Variants in GRIK4 observed in about 807,000 individuals in gnomAD.
The protein encoded by GRIK4 is glutamate ionotropic receptor kainate type subunit 4, also known as glutamate receptor ionotropic, kainate 4.
GRIK4 carries 40 observed loss-of-function variants against 104.9 expected under a neutral mutation model. The ratio of observed to expected loss-of-function variants is 0.38; its 90% CI spans 0.30 to 0.50. GRIK4 has a LOEUF of 0.50. Ranked by LOEUF, GRIK4 falls within the 20% of genes least tolerant of loss-of-function variation. The probability of loss-of-function intolerance (pLI) is 0.93; values close to 1 mark genes in which losing one functional copy is unlikely to be tolerated. For missense variants in GRIK4, 1,047 were observed against 1,308.1 expected, an observed-to-expected ratio of 0.80 and a Z score of 3.08; for synonymous variants, 485 against 524.9, an observed-to-expected ratio of 0.92 and a Z score of 1.04.
intron 14 of GRIK4, among the ~76,000 whole-genome samples, chr11:120,943,150 ACC>A (rs368836920): frequency 0.14 from 18,395 of 128,380 alleles, 1,610 homozygotes; most frequent in African/African-American, 0.29. Flanking sequence ...ACACACACAC[ACC>A]CCCCTGACTG....
At chr11:120,829,755 G>C (rs1403361385) in intron 6 of GRIK4, among the ~76,000 whole-genome samples, 2 of 152,174 alleles carry the variant, frequency 1.3e-5, no homozygotes, top group African/African-American at 2.4e-5. Flanking sequence ...GAGCTTTGAA[G>C]AGGTTAGACA....
At chr11:120,514,591 A>C (rs1947701582) in intron 1 of GRIK4, among the ~76,000 whole-genome samples, 1 of 151,076 alleles carries the variant, frequency 6.6e-6, no homozygotes, top group African/African-American at 2.4e-5. Context: ...TTTCACCCCC[A>C]CCCCAGGCCT....
chr11:120,541,980 T>C (rs923558734), intron 1 of GRIK4, among the ~76,000 whole-genome samples: 17 of 152,246 alleles, frequency 1.1e-4, no homozygotes, highest in Middle Eastern at 3.4e-3. Context: ...AAAATTCATA[T>C]GGAGCCATAA....
chr11:120,692,503 G>C (rs12288893), intron 3 of GRIK4, among the ~76,000 whole-genome samples: 2,729 of 152,220 alleles, frequency 0.018, 80 homozygotes, highest in South Asian at 0.058. Context: ...TGTGGAGCCC[G>C]GGGGTGAGGC....
intron 1 of GRIK4, among the ~76,000 whole-genome samples, chr11:120,619,061 G>A (rs1004793189): frequency 4.6e-5 from 7 of 152,160 alleles, no homozygotes; most frequent in African/African-American, 9.7e-5. Context: ...GGCACTCAAC[G>A]CCAGCCCTTG....
In GRIK4 at chr11:120,555,067, G is replaced by A. The variant is rs1204426597; in HGVS notation, c.-159+43180G>A. The stretch of plus-strand genomic sequence containing the variant: ...GAAGCTGGTTGCCTCTGAAGCCTGT[G>A]AGGCATGAGAAGGCGCTCTGCAGCC... On this transcript the variant is annotated intron_variant, in intron 1 of 20. Coordinates refer to ENST00000527524, the MANE Select transcript of GRIK4 (RefSeq NM_014619.5). This position sits in a 1 kb window ranked among gnomAD's most constrained non-coding sequence, Gnocchi z 5.3. Among the ~76,000 whole-genome samples the A allele has an allele frequency of 6.6e-6, 1 of 152,242 alleles. No homozygotes were observed. The highest frequency in any genetic ancestry group is 1.5e-5 in the Non-Finnish European group (1 of 68,048).
At chr11:120,615,510 T>C (rs918419851) in intron 1 of GRIK4, among the ~76,000 whole-genome samples, 6 of 152,174 alleles carry the variant, frequency 3.9e-5, no homozygotes, top group African/African-American at 1.4e-4. Flanking sequence ...CTTTGATGAA[T>C]TTGTGTCTGC....
intron 1 of GRIK4, among the ~76,000 whole-genome samples, chr11:120,548,199 GAA>G (rs1948105527): frequency 6.6e-6 from 1 of 152,104 alleles, no homozygotes; most frequent in Non-Finnish European, 1.5e-5. Flanking sequence ...CTCGAAGTAT[GAA>G]AATAGACACC....
At chr11:120,750,494 G>A (rs1417644431) in intron 3 of GRIK4, among the ~76,000 whole-genome samples, 1 of 151,518 alleles carries the variant, frequency 6.6e-6, no homozygotes, top group South Asian at 2.1e-4. Flanking sequence ...AGCCTCCTAA[G>A]TAGCTGGAAT....
At chr11:120,576,720 G>A (rs1041918440) in intron 1 of GRIK4, among the ~76,000 whole-genome samples, 2 of 152,224 alleles carry the variant, frequency 1.3e-5, no homozygotes, top group African/African-American at 4.8e-5. Context: ...CTCAGAGAGG[G>A]CCCAAGAGGT....
At position 120,625,118 on chromosome 11, in the gene GRIK4, T is replaced by A. The variant is rs1324118378; in HGVS notation, c.-158-28567T>A. ...GGTAAAACCCCGTCTCTACTAAAAC[T>A]ACAAAAATTAGCCGGGCATGGTGGC... On this transcript the variant is annotated intron_variant, in intron 1 of 20. Transcript: ENST00000527524. Among the ~76,000 whole-genome samples the A allele has an allele frequency of 3.3e-5, 5 of 152,094 alleles. No homozygotes were observed. In the East Asian group the frequency reaches 5.8e-4, roughly 18 times the overall value.
At chr11:120,710,581 C>T (rs1214137214) in intron 3 of GRIK4, among the ~76,000 whole-genome samples, 9 of 152,140 alleles carry the variant, frequency 5.9e-5, no homozygotes, top group African/African-American at 2.2e-4. Flanking sequence ...ACGTGACTCA[C>T]AATAGAGAGT....
intron 1 of GRIK4, among the ~76,000 whole-genome samples, chr11:120,630,094 T>C (rs541716094): frequency 1.9e-4 from 29 of 152,334 alleles, no homozygotes; most frequent in Middle Eastern, 3.4e-3. Flanking sequence ...GAGCTCCTTC[T>C]GCAAGTAAAG....
intron 3 of GRIK4, among the ~76,000 whole-genome samples, chr11:120,679,169 C>T (rs1335734752): frequency 6.6e-6 from 1 of 152,070 alleles, no homozygotes; most frequent in Non-Finnish European, 1.5e-5. Flanking sequence ...TTAATCCTAC[C>T]ACCACCTCCA....
intron 12 of GRIK4, among the ~76,000 whole-genome samples, chr11:120,900,354 G>T (rs7111184): frequency 0.56 from 85,133 of 152,034 alleles, 25,693 homozygotes; most frequent in Non-Finnish European, 0.68. Flanking sequence ...CCTTCACTGT[G>T]AGGAGATGGG....
chr11:120,713,449 C>A (rs1030658187), intron 3 of GRIK4, among the ~76,000 whole-genome samples: 1 of 152,170 alleles, frequency 6.6e-6, no homozygotes, highest in Non-Finnish European at 1.5e-5. Flanking sequence ...GGGGGGCCAC[C>A]CTTGCGTCAC....
intron 13 of GRIK4, among the ~76,000 whole-genome samples, chr11:120,915,424 C>T (rs1204439493): frequency 6.6e-6 from 1 of 152,148 alleles, no homozygotes; most frequent in African/African-American, 2.4e-5. Flanking sequence ...TCTGTATCGG[C>T]TGCCAGGCTG....
chr11:120,627,460 C>T (rs1469622462), intron 1 of GRIK4, among the ~76,000 whole-genome samples: 2 of 152,222 alleles, frequency 1.3e-5, no homozygotes, highest in African/African-American at 2.4e-5. Flanking sequence ...TGCCTCTCTG[C>T]ATGTGGCAGG....
intron 1 of GRIK4, among the ~76,000 whole-genome samples, chr11:120,561,503 G>A (rs545184111): frequency 6.6e-6 from 1 of 152,294 alleles, no homozygotes; most frequent in Admixed American, 6.5e-5. Context: ...AGCCACGTGG[G>A]GACTAGGGGG....
Sources: gnomAD v4.1 joint callset for allele counts (sites outside exome capture counted in the v4.1 genomes callset) on GRCh38, gnomAD v4.1.1 for gene constraint, Gnocchi (gnomAD v3.1) non-coding constraint, MANE v1.5 for transcripts, NCBI Gene and HGNC (gene_info 2026-07-23, HGNC 2026-07-21) for gene names.